The following DNAH14 variants were observed in gnomAD, a reference collection of about 807,000 sequenced individuals.
DNAH14 encodes the protein dynein axonemal heavy chain 14.
A neutral mutation model predicts 520.9 loss-of-function variants in DNAH14; 478 were observed. That is an observed-to-expected ratio of 0.92 (90% CI 0.85 to 0.99). The LOEUF is 0.99. Ranked by LOEUF, DNAH14 falls within the 50% of genes least tolerant of loss-of-function variation. The probability of loss-of-function intolerance (pLI) is 0.00; values close to 1 mark genes in which losing one functional copy is unlikely to be tolerated. For synonymous variants in DNAH14, 1,581 were observed against 1,757.2 expected (o/e 0.90, Z 2.51); for missense variants, 4,831 against 5,234.5 (o/e 0.92, Z 2.38).
Position 225,085,751 on chromosome 1 carries a change from G to C in DNAH14, c.3535G>C (p.Ala1179Pro), listed in dbSNP as rs1026027482. 2.6e-6 allele frequency: 4 copies of C among 1,550,904 alleles called. No individual in the cohort carries two copies. Among genetic ancestry groups the C allele is most frequent in the Non-Finnish European group, 3.5e-6 (4 of 1,146,702 alleles). ...GTTAGAAGAGTCTCAAGTCATACTT[G>C]CAACAATTAAAGGATCTCCCCACAT... ...AQLEESQVILATIKGSPHIGP... is the reference protein window; with the variant it reads ...AQLEESQVILPTIKGSPHIGP... The change falls in exon 21 of 86, where the codon GCA becomes CCA. Residue 1179 changes from alanine to proline, a missense_variant. Coordinates refer to ENST00000682510, the MANE Select transcript of DNAH14 (RefSeq NM_001367479.1).
chr1:225,004,949 C>T (rs376763281), intron 9 of DNAH14, among the ~76,000 whole-genome samples: 8 of 152,158 alleles, frequency 5.3e-5, no homozygotes, highest in East Asian at 3.9e-4. Flanking sequence ...TGGAATTTCT[C>T]GAACTGGAAG....
chr1:225,040,219 A>C (rs1037362634), intron 12 of DNAH14, among the ~76,000 whole-genome samples: 3 of 152,126 alleles, frequency 2.0e-5, no homozygotes, highest in African/African-American at 7.2e-5. Flanking sequence ...GATTACAGGC[A>C]TGAGCCACTG....
chr1:224,931,269 G>A (rs1005629353), intron 1 of DNAH14, among the ~76,000 whole-genome samples: 4 of 152,140 alleles, frequency 2.6e-5, no homozygotes, highest in African/African-American at 9.7e-5. Context: ...TTTAAGCTCA[G>A]TGTTATTACA....
At chr1:224,942,231 G>C (rs9426095) in intron 1 of DNAH14, among the ~76,000 whole-genome samples, 1 of 151,840 alleles carries the variant, frequency 6.6e-6, no homozygotes, top group African/African-American at 2.4e-5. Flanking sequence ...CACATCCCTT[G>C]TAAGTTGGAT....
chr1:225,367,334 TCTC>T (rs1224415161), intron 76 of DNAH14, among the ~76,000 whole-genome samples: 10 of 152,182 alleles, frequency 6.6e-5, no homozygotes, highest in Non-Finnish European at 1.3e-4. Flanking sequence ...AGTTAATTGT[TCTC>T]CTTCTGATGG....
chr1:225,319,589 G>GA (rs1408954322), intron 61 of DNAH14, among the ~76,000 whole-genome samples: 1 of 152,090 alleles, frequency 6.6e-6, no homozygotes, highest in East Asian at 1.9e-4. Flanking sequence ...CCGTGAAACT[G>GA]AAAAAATGCA....
intron 75 of DNAH14, among the ~76,000 whole-genome samples, chr1:225,361,757 C>T (rs981871268): frequency 6.6e-6 from 1 of 152,208 alleles, no homozygotes; most frequent in Non-Finnish European, 1.5e-5. Flanking sequence ...CAGTGGCTCA[C>T]GCCTATAGTC....
intron 82 of DNAH14, among the ~76,000 whole-genome samples, chr1:225,388,830 G>A (rs969956753): frequency 4.6e-5 from 7 of 151,990 alleles, no homozygotes; most frequent in Non-Finnish European, 1.0e-4. Flanking sequence ...AGGCTGGAGT[G>A]CAGTGGCACG....
intron 10 of DNAH14, among the ~76,000 whole-genome samples, chr1:225,015,941 A>G (rs975921977): frequency 6.6e-6 from 1 of 152,160 alleles, no homozygotes; most frequent in African/African-American, 2.4e-5. Context: ...GTGCACAGAC[A>G]AGGAGAGGTC....
intron 11 of DNAH14, among the ~76,000 whole-genome samples, chr1:225,037,984 G>A (rs764715468): frequency 1.9e-4 from 29 of 152,078 alleles, no homozygotes; most frequent in Admixed American, 2.6e-4. Context: ...CACCATGCCC[G>A]GCCAATATTC....
intron 54 of DNAH14, among the ~76,000 whole-genome samples, chr1:225,288,619 T>G (rs984034473): frequency 4.6e-5 from 7 of 152,130 alleles, no homozygotes; most frequent in Admixed American, 3.3e-4. Flanking sequence ...AGTCTAAAAC[T>G]CTTCTAAAAT....
chr1:225,081,489 G>A (rs1035583538), intron 19 of DNAH14, among the ~76,000 whole-genome samples: 1 of 152,088 alleles, frequency 6.6e-6, no homozygotes, highest in Non-Finnish European at 1.5e-5. Context: ...TGTTATATAC[G>A]TGCTTCGGAG....
At chr1:225,180,634 A>G (rs776165031) in intron 36 of DNAH14, among the ~76,000 whole-genome samples, 1 of 152,128 alleles carries the variant, frequency 6.6e-6, no homozygotes, top group Non-Finnish European at 1.5e-5. Flanking sequence ...TAATCTATTC[A>G]TGAAGGATCC....
chr1:225,370,866 A>T (rs2150642581), intron 77 of DNAH14, among the ~76,000 whole-genome samples: 2 of 152,314 alleles, frequency 1.3e-5, no homozygotes, highest in East Asian at 3.9e-4. Context: ...GCTATAAAAA[A>T]TTGGATTTTG....
intron 66 of DNAH14, among the ~76,000 whole-genome samples, chr1:225,336,360 A>C (rs890546059): frequency 1.3e-5 from 2 of 152,098 alleles, no homozygotes; most frequent in Non-Finnish European, 2.9e-5. Flanking sequence ...AAGGCATAAA[A>C]GGATTACTAG....
At chr1:224,967,405 G>GTTT in intron 5 of DNAH14, 26 bp from the exon 6 acceptor site, 1 of 1,465,536 alleles carries the variant, frequency 6.8e-7, no homozygotes, top group South Asian at 1.4e-5. Flanking sequence ...AATTAAATTT[G>GTTT]TTTATTATTT....
intron 11 of DNAH14, among the ~76,000 whole-genome samples, chr1:225,037,123 T>G (rs994583208): frequency 9.2e-5 from 14 of 152,114 alleles, no homozygotes; most frequent in Non-Finnish European, 1.9e-4. Flanking sequence ...AGGTGAAGAG[T>G]GTTTCTTGTA....
Position 225,113,602 on chromosome 1 carries a change from G to A in DNAH14, c.3868-4082G>A, listed in dbSNP as rs1438868381. Among the ~76,000 whole-genome samples, 2 of 152,194 alleles carry A rather than the reference G, an allele frequency of 1.3e-5. 1 individual carries two copies. Among genetic ancestry groups the A allele is most frequent in the South Asian group, 4.1e-4 (2 of 4,834 alleles). Reference sequence around the variant, plus strand: ...TCCCCCTGGGCCCTGGGTGGTTCCAGAGATGCCATCTGGGAACCAGTATCT... The same window carrying A: ...TCCCCCTGGGCCCTGGGTGGTTCCAAAGATGCCATCTGGGAACCAGTATCT... On this transcript the variant is annotated intron_variant, in intron 23 of 85. Transcript: ENST00000682510.
chr1:225,092,984 A>G (rs1318350363), intron 21 of DNAH14, among the ~76,000 whole-genome samples: 1 of 152,150 alleles, frequency 6.6e-6, no homozygotes, highest in Non-Finnish European at 1.5e-5. Context: ...AAGAAATTGA[A>G]TAATTGAACA....
Sources: allele counts gnomAD v4.1 joint callset (sites outside exome capture counted in the v4.1 genomes callset), GRCh38; gene constraint gnomAD v4.1.1; transcripts MANE v1.5; gene names NCBI Gene and HGNC (gene_info 2026-07-23, HGNC 2026-07-21).